The following RBFOX1 variants were observed in gnomAD, a reference collection of about 807,000 sequenced individuals.
RBFOX1 encodes RNA binding protein fox-1 homolog 1.
In RBFOX1, 8 loss-of-function variants were observed where a neutral mutation model predicts 57.7. The observed-to-expected ratio is 0.14, with a 90% CI of 0.08 to 0.25. The LOEUF is 0.25. Ranked by LOEUF, RBFOX1 falls within the 10% of genes least tolerant of loss-of-function variation. RBFOX1 has a pLI of 1.00. For synonymous variants in RBFOX1, 326 were observed against 222.4 expected, an observed-to-expected ratio of 1.47 and a Z score of -4.15; for missense variants, 611 against 548.5, an observed-to-expected ratio of 1.11 and a Z score of -1.14.
intron 3 of RBFOX1, among the ~76,000 whole-genome samples, chr16:6,665,999 C>T (rs1017859605): frequency 6.6e-6 from 1 of 152,204 alleles, no homozygotes; most frequent in East Asian, 1.9e-4. Context: ...ACCCTGTTCT[C>T]ATGGTAGTGA....
At chr16:6,731,593 G>C (rs565678471) in intron 3 of RBFOX1, among the ~76,000 whole-genome samples, 1 of 152,208 alleles carries the variant, frequency 6.6e-6, no homozygotes, top group African/African-American at 2.4e-5. Flanking sequence ...ATACTCCAGG[G>C]AATAGCCCTT....
At chr16:5,783,544 T>C (rs1385649684) in intron 3 of RBFOX1, among the ~76,000 whole-genome samples, 1 of 152,216 alleles carries the variant, frequency 6.6e-6, no homozygotes, top group East Asian at 1.9e-4. Flanking sequence ...CACGTCTGTT[T>C]TCATCGTGGT....
intron 4 of RBFOX1, among the ~76,000 whole-genome samples, chr16:7,461,584 C>G (rs1390082883): frequency 6.6e-6 from 1 of 152,136 alleles, no homozygotes; most frequent in African/African-American, 2.4e-5. Flanking sequence ...ACATTCAGCT[C>G]TACGCAGTAT....
At chr16:6,287,932 T>A (rs2077064789) in intron 1 of RBFOX1, among the ~76,000 whole-genome samples, 1 of 152,186 alleles carries the variant, frequency 6.6e-6, no homozygotes, top group Admixed American at 6.5e-5. Flanking sequence ...TAAAATTTTC[T>A]AAGTTTTGAT....
At chr16:5,885,064 C>T (rs934191118) in intron 4 of RBFOX1, among the ~76,000 whole-genome samples, 4 of 152,166 alleles carry the variant, frequency 2.6e-5, no homozygotes, top group Admixed American at 2.0e-4. Flanking sequence ...GCCAGATGGT[C>T]TTCGGGTCTC....
At chr16:6,675,144 T>C (rs1254373037) in intron 3 of RBFOX1, among the ~76,000 whole-genome samples, 1 of 152,132 alleles carries the variant, frequency 6.6e-6, no homozygotes, top group Non-Finnish European at 1.5e-5. Context: ...GACCTCGTGA[T>C]CCGCCCACCT....
At position 5,826,239 on chromosome 16, in the gene RBFOX1, C is replaced by T. The variant is rs76509821; in HGVS notation, c.319-41064C>T. On this transcript the variant is annotated intron_variant, in intron 3 of 19. Coordinates refer to the RBFOX1 transcript ENST00000641259. ...AATATTACTTACTCATTTACAAACA[C>T]TCTTCCCTTAGCACTTTTTATCTAA... Among the ~76,000 whole-genome samples, 1,390 of 151,530 alleles carry T rather than the reference C, an allele frequency of 9.2e-3. 31 individuals carry two copies. Among genetic ancestry groups the T allele is most frequent in the East Asian group, 0.08 (411 of 5,156 alleles).
intron 3 of RBFOX1, among the ~76,000 whole-genome samples, chr16:5,856,578 T>C (rs1403996166): frequency 1.8e-4 from 10 of 56,666 alleles, no homozygotes; most frequent in Admixed American, 5.4e-4. Flanking sequence ...TGTGTGTGTA[T>C]ATATATATAT....
chr16:6,633,470 T>C (rs1329981325), intron 2 of RBFOX1, among the ~76,000 whole-genome samples: 1 of 152,052 alleles, frequency 6.6e-6, no homozygotes, highest in Non-Finnish European at 1.5e-5. Context: ...TTATTATTTT[T>C]TTTAGTAGAG....
chr16:5,783,724 G>C (rs1042513436), intron 3 of RBFOX1, among the ~76,000 whole-genome samples: 42 of 152,174 alleles, frequency 2.8e-4, no homozygotes, highest in Admixed American at 1.3e-4. Context: ...TAAAATTCCA[G>C]CCTGCTGATG....
At chr16:5,587,214 C>T (rs754396945) in intron 2 of RBFOX1, among the ~76,000 whole-genome samples, 20 of 152,142 alleles carry the variant, frequency 1.3e-4, no homozygotes, top group Non-Finnish European at 1.5e-4. Context: ...AGACTTACAT[C>T]TAGAATACAT....
At chr16:7,416,318 A>C (rs1433108193) in intron 4 of RBFOX1, among the ~76,000 whole-genome samples, 3 of 152,198 alleles carry the variant, frequency 2.0e-5, no homozygotes, top group Non-Finnish European at 2.9e-5. Flanking sequence ...CTTACGGACA[A>C]GTCAAAGCTT....
chr16:7,564,434 A>G (rs1438833501), intron 5 of RBFOX1, among the ~76,000 whole-genome samples: 2 of 148,204 alleles, frequency 1.3e-5, no homozygotes, highest in African/African-American at 5.0e-5. Context: ...TCAAGTACTC[A>G]GGAGGCTGAG....
intron 2 of RBFOX1, among the ~76,000 whole-genome samples, chr16:6,615,324 C>G (rs1007213074): frequency 6.6e-6 from 1 of 152,200 alleles, no homozygotes; most frequent in Non-Finnish European, 1.5e-5. Context: ...AATTCTAGTA[C>G]TTTGGGAGGC....
intron 2 of RBFOX1, among the ~76,000 whole-genome samples, chr16:6,439,154 C>A (rs2094312673): frequency 6.6e-6 from 1 of 152,122 alleles, no homozygotes; most frequent in Non-Finnish European, 1.5e-5. Flanking sequence ...TGGCCCCTTG[C>A]AGTTTGAAGT....
intron 2 of RBFOX1, among the ~76,000 whole-genome samples, chr16:6,635,805 A>T (rs1365284609): frequency 1.3e-5 from 2 of 152,202 alleles, no homozygotes; most frequent in East Asian, 1.9e-4. Context: ...CTTAGGGTTT[A>T]GGTCACTATC....
intron 4 of RBFOX1, chr16:7,333,207 A>T: frequency 8.0e-6 from 7 of 880,136 alleles, no homozygotes; most frequent in Non-Finnish European, 1.3e-5. Context: ...TCGCGTAGTC[A>T]GTGAGAAGAC....
chr16:7,139,176 C>CTCTCTCTG (rs372381673), intron 4 of RBFOX1, among the ~76,000 whole-genome samples: 80 of 145,906 alleles, frequency 5.5e-4, no homozygotes, highest in African/African-American at 1.6e-3. Flanking sequence ...CAATCTCTCT[C>CTCTCTCTG]TGTGTGTGTG....
intron 4 of RBFOX1, among the ~76,000 whole-genome samples, chr16:7,457,543 C>G (rs2058761143): frequency 6.6e-6 from 1 of 152,154 alleles, no homozygotes; most frequent in African/African-American, 2.4e-5. Context: ...CATGCAGTGA[C>G]TTTGGGGAAG....
Sources: gnomAD v4.1 joint callset for allele counts (sites outside exome capture counted in the v4.1 genomes callset) on GRCh38, gnomAD v4.1.1 for gene constraint, MANE v1.5 for transcripts, NCBI Gene and HGNC (gene_info 2026-07-23, HGNC 2026-07-21) for gene names.